Variants in CACNB2 observed in about 807,000 individuals in gnomAD.
CACNB2 encodes calcium voltage-gated channel auxiliary subunit beta 2.
Under a neutral mutation model 73.3 loss-of-function variants are expected in CACNB2, and 42 were observed. The observed-to-expected ratio is 0.57, with a 90% CI of 0.45 to 0.74. The LOEUF is 0.74. Among genes scored for constraint, CACNB2 ranks in the 30% least tolerant of loss-of-function variants. CACNB2 has a pLI of 0.00. For missense variants in CACNB2, 940 were observed against 853.0 expected, an observed-to-expected ratio of 1.10 and a Z score of -1.27; for synonymous variants, 348 against 310.3, an observed-to-expected ratio of 1.12 and a Z score of -1.28.
intron 2 of CACNB2, among the ~76,000 whole-genome samples, chr10:18,225,043 G>C (rs547514656): frequency 2.6e-5 from 4 of 152,108 alleles, no homozygotes; most frequent in Non-Finnish European, 5.9e-5. Flanking sequence ...GTTTGCTCAA[G>C]GCCAAGGCTA....
At chr10:18,367,990 C>G (rs1018335405) in intron 2 of CACNB2, among the ~76,000 whole-genome samples, 1 of 152,030 alleles carries the variant, frequency 6.6e-6, no homozygotes, top group African/African-American at 2.4e-5. Flanking sequence ...CTACTGAAAA[C>G]GAAATTCCCT....
chr10:18,158,277 T>C (rs1588574344), intron 2 of CACNB2, among the ~76,000 whole-genome samples: 2 of 152,228 alleles, frequency 1.3e-5, no homozygotes, highest in African/African-American at 4.8e-5. Context: ...TAGAAATTGC[T>C]TTCCAGTTCA....
chr10:18,213,975 A>G (rs2035415290), intron 2 of CACNB2, among the ~76,000 whole-genome samples: 1 of 152,214 alleles, frequency 6.6e-6, no homozygotes, highest in Non-Finnish European at 1.5e-5. Context: ...ATTTGTATTT[A>G]TTAAAGATTA....
chr10:18,176,462 G>A (rs1026206851), intron 2 of CACNB2, among the ~76,000 whole-genome samples: 23 of 152,116 alleles, frequency 1.5e-4, no homozygotes, highest in African/African-American at 5.3e-4. Flanking sequence ...CAAAAGCATT[G>A]CAGAAGAAAT....
intron 2 of CACNB2, among the ~76,000 whole-genome samples, chr10:18,184,649 GTTTTT>G (rs201899870): frequency 0.02 from 1,728 of 87,664 alleles, 12 homozygotes; most frequent in African/African-American, 0.072. Context: ...CTCAGACTTT[GTTTTT>G]TTTTTTTTTT....
intron 2 of CACNB2, among the ~76,000 whole-genome samples, chr10:18,203,592 GTACA>G (rs889481159): frequency 3.3e-5 from 5 of 152,052 alleles, no homozygotes; most frequent in African/African-American, 1.2e-4. Context: ...ACACCCACAC[GTACA>G]TACATATGTA....
chr10:18,455,217 C>T (rs2047219446), intron 3 of CACNB2, among the ~76,000 whole-genome samples: 3 of 152,102 alleles, frequency 2.0e-5, no homozygotes, highest in South Asian at 4.1e-4. Context: ...GCACAGCAGT[C>T]ATTGCACAGT....
At chr10:18,505,390 C>A (rs1174641793) in intron 5 of CACNB2, among the ~76,000 whole-genome samples, 1 of 152,072 alleles carries the variant, frequency 6.6e-6, no homozygotes, top group Non-Finnish European at 1.5e-5. Context: ...ATTTGAGTAT[C>A]TCTTAAGAAC....
At chr10:18,440,175 C>A (rs12261119) in intron 3 of CACNB2, among the ~76,000 whole-genome samples, 1 of 152,092 alleles carries the variant, frequency 6.6e-6, no homozygotes, top group African/African-American at 2.4e-5. Context: ...GATGGACAGG[C>A]TCCTTCAATC....
intron 5 of CACNB2, among the ~76,000 whole-genome samples, chr10:18,505,103 C>T (rs1198145911): frequency 6.6e-6 from 1 of 152,092 alleles, no homozygotes; most frequent in Admixed American, 6.6e-5. Flanking sequence ...AATTAAAAGT[C>T]AAGGACAAAT....
intron 2 of CACNB2, among the ~76,000 whole-genome samples, chr10:18,330,889 G>C (rs539940589): frequency 6.6e-6 from 1 of 151,752 alleles, no homozygotes; most frequent in African/African-American, 2.4e-5. Context: ...GGCTGGTCTC[G>C]AACTCCTGGC....
chr10:18,304,853 G>T (rs2039667112), intron 2 of CACNB2, among the ~76,000 whole-genome samples: 1 of 152,168 alleles, frequency 6.6e-6, no homozygotes, highest in Non-Finnish European at 1.5e-5. Flanking sequence ...TAAAACAGGG[G>T]CGGTCCCTTT....
chr10:18,260,476 T>C (rs2037485319), intron 2 of CACNB2: 1 of 985,348 alleles, frequency 1.0e-6, no homozygotes, highest in Non-Finnish European at 1.2e-6. Flanking sequence ...TGCGCCGCAG[T>C]GCTTGAGCGA....
intron 3 of CACNB2, among the ~76,000 whole-genome samples, chr10:18,457,278 C>T (rs1441513395): frequency 2.6e-5 from 4 of 151,990 alleles, no homozygotes; most frequent in Admixed American, 1.3e-4. Flanking sequence ...TCTATAGAGA[C>T]GGGACCTCTG....
Position 18,195,047 on chromosome 10 carries a change from A to G in CACNB2, c.213+44072A>G, listed in dbSNP as rs149689497. Among the ~76,000 whole-genome samples the G allele has an allele frequency of 3.9e-5, 6 of 152,348 alleles. No homozygotes were observed. In the East Asian group the frequency reaches 1.2e-3, roughly 29 times the overall value. On this transcript the variant is annotated intron_variant, in intron 2 of 13. Transcript: ENST00000324631. ...TTTTTTCCTTAGAGTTTAAAAATAT[A>G]TGACCAAGTATAATGAAGATATGGC...
At chr10:18,154,665 G>A (rs1201707611) in intron 2 of CACNB2, among the ~76,000 whole-genome samples, 7 of 152,070 alleles carry the variant, frequency 4.6e-5, no homozygotes, top group Middle Eastern at 3.4e-3. Context: ...ACAGGGTTTC[G>A]CCATGTTGGC....
chr10:18,327,961 T>C (rs1290025332), intron 2 of CACNB2, among the ~76,000 whole-genome samples: 3 of 152,108 alleles, frequency 2.0e-5, no homozygotes, highest in African/African-American at 7.2e-5. Context: ...TGAAGACATA[T>C]CAGAAGTGTC....
intron 3 of CACNB2, among the ~76,000 whole-genome samples, chr10:18,406,054 C>T (rs1036703412): frequency 6.6e-6 from 1 of 152,116 alleles, no homozygotes; most frequent in East Asian, 1.9e-4. Flanking sequence ...CTTTTATCAT[C>T]GAATATCTAC....
At chr10:18,388,473 A>AC (rs1327964661) in intron 2 of CACNB2, among the ~76,000 whole-genome samples, 3 of 152,138 alleles carry the variant, frequency 2.0e-5, no homozygotes, top group Non-Finnish European at 4.4e-5. Flanking sequence ...TCCCTAGGGT[A>AC]CTTTCCAGTG....
Sources: allele counts gnomAD v4.1 joint callset (sites outside exome capture counted in the v4.1 genomes callset), GRCh38; gene constraint gnomAD v4.1.1; transcripts MANE v1.5; gene names NCBI Gene and HGNC (gene_info 2026-07-23, HGNC 2026-07-21).